CADPS: variants seen among roughly 807,000 people sequenced by gnomAD.
CADPS encodes calcium dependent secretion activator.
Under a neutral mutation model 167.3 loss-of-function variants are expected in CADPS, and 57 were observed. The ratio of observed to expected loss-of-function variants is 0.34; its 90% CI spans 0.28 to 0.42. CADPS has a LOEUF of 0.42. Among genes scored for constraint, CADPS ranks in the 20% least tolerant of loss-of-function variants. The pLI is 1.00. For missense variants in CADPS, 1,414 were observed against 1,738.1 expected, an observed-to-expected ratio of 0.81 and a Z score of 3.32; for synonymous variants, 676 against 635.3, an observed-to-expected ratio of 1.06 and a Z score of -0.96.
chr3:62,866,366 T>G (rs1489894759), intron 1 of CADPS, among the ~76,000 whole-genome samples: 2 of 152,074 alleles, frequency 1.3e-5, no homozygotes, highest in Non-Finnish European at 2.9e-5. Context: ...CTCTAGGAAA[T>G]AAAGCATCAG....
intron 9 of CADPS, among the ~76,000 whole-genome samples, chr3:62,558,786 G>T (rs1276456856): frequency 6.6e-6 from 1 of 152,106 alleles, no homozygotes; most frequent in Non-Finnish European, 1.5e-5. Context: ...CGCCCCACTT[G>T]GGTTTCTTTA....
intron 9 of CADPS, among the ~76,000 whole-genome samples, chr3:62,564,765 C>T (rs13318399): frequency 1.6e-3 from 237 of 151,908 alleles, no homozygotes; most frequent in African/African-American, 5.4e-3. Context: ...TGCCACCATG[C>T]CCAGGTAATT....
At chr3:62,696,120 C>G (rs34003986) in intron 3 of CADPS, among the ~76,000 whole-genome samples, 12,067 of 152,058 alleles carry the variant, frequency 0.079, 631 homozygotes, top group Non-Finnish European at 0.12. Flanking sequence ...ACCTGGGCCA[C>G]TAATTAAGTT....
In CADPS at chr3:62,485,482, C is replaced by A. The variant is rs561068740; in HGVS notation, c.3027-3613G>T. Reference sequence around the variant, plus strand: ...TCCCTCTATTCTTATGTCCTCATAACTTTTCCTTATGTTATTTGTAAATTA... The same window carrying A: ...TCCCTCTATTCTTATGTCCTCATAAATTTTCCTTATGTTATTTGTAAATTA... On this transcript the variant is annotated intron_variant, in intron 21 of 29. Coordinates refer to ENST00000383710, the MANE Select transcript of CADPS (RefSeq NM_003716.4). Among the ~76,000 whole-genome samples, 68 of 152,282 alleles carry A rather than the reference C, an allele frequency of 4.5e-4. 1 individual carries two copies. Among genetic ancestry groups the A allele is most frequent in the African/African-American group, 1.6e-3 (65 of 41,566 alleles).
At chr3:62,505,545 C>A (rs961340355) in intron 17 of CADPS, among the ~76,000 whole-genome samples, 3 of 152,178 alleles carry the variant, frequency 2.0e-5, no homozygotes, top group Admixed American at 6.5e-5. Flanking sequence ...TCCAAGGCAG[C>A]CTTCAGTCCC....
At chr3:62,825,875 G>A (rs933966130) in intron 1 of CADPS, among the ~76,000 whole-genome samples, 1 of 152,138 alleles carries the variant, frequency 6.6e-6, no homozygotes, top group South Asian at 2.1e-4. Context: ...CATTCATTCT[G>A]AGACACGGAA....
intron 6 of CADPS, among the ~76,000 whole-genome samples, chr3:62,594,484 T>C (rs1183503445): frequency 1.3e-5 from 2 of 152,258 alleles, no homozygotes; most frequent in Non-Finnish European, 2.9e-5. Flanking sequence ...TTAATGATTC[T>C]ATAATATTAC....
chr3:62,560,642 G>A (rs2078986482), intron 9 of CADPS, among the ~76,000 whole-genome samples: 1 of 152,170 alleles, frequency 6.6e-6, no homozygotes, highest in Admixed American at 6.5e-5. Flanking sequence ...GGAATCACAG[G>A]ACAGGCCGTT....
At chr3:62,565,578 A>G (rs1404712059) in intron 9 of CADPS, among the ~76,000 whole-genome samples, 1 of 152,088 alleles carries the variant, frequency 6.6e-6, no homozygotes, top group Non-Finnish European at 1.5e-5. Flanking sequence ...ATTTTAAACA[A>G]CACCTAATGC....
chr3:62,770,246 T>A (rs2152534581), intron 1 of CADPS, among the ~76,000 whole-genome samples: 1 of 152,260 alleles, frequency 6.6e-6, no homozygotes, highest in Non-Finnish European at 1.5e-5. Context: ...CCCTGACCAT[T>A]CCATCTACAG....
At chr3:62,687,737 T>G (rs1286249978) in intron 3 of CADPS, among the ~76,000 whole-genome samples, 2 of 80,292 alleles carry the variant, frequency 2.5e-5, no homozygotes, top group Non-Finnish European at 5.3e-5. Context: ...CCTTCGCATT[T>G]TTTTTTTTTT....
At chr3:62,794,195 A>G (rs2093196437) in intron 1 of CADPS, among the ~76,000 whole-genome samples, 1 of 152,180 alleles carries the variant, frequency 6.6e-6, no homozygotes, top group Non-Finnish European at 1.5e-5. Flanking sequence ...TAACCATGAA[A>G]CCTTGGCACA....
chr3:62,668,609 C>T (rs146684424), intron 3 of CADPS, among the ~76,000 whole-genome samples: 1 of 152,172 alleles, frequency 6.6e-6, no homozygotes, highest in South Asian at 2.1e-4. Context: ...TAATGATGCA[C>T]CTTTCCTTTC....
chr3:62,707,683 T>C (rs1269410873), intron 3 of CADPS, among the ~76,000 whole-genome samples: 1 of 152,074 alleles, frequency 6.6e-6, no homozygotes, highest in Non-Finnish European at 1.5e-5. Context: ...TATACCAGAG[T>C]TTAGACTTTA....
chr3:62,456,595 C>G (rs762748514), intron 26 of CADPS, among the ~76,000 whole-genome samples: 24 of 152,040 alleles, frequency 1.6e-4, no homozygotes, highest in Non-Finnish European at 2.6e-4. Context: ...ATAACCCTCT[C>G]ACAATGTGAT....
intron 6 of CADPS, among the ~76,000 whole-genome samples, chr3:62,617,092 A>G (rs1305808374): frequency 6.6e-6 from 1 of 152,192 alleles, no homozygotes; most frequent in Non-Finnish European, 1.5e-5. Context: ...TGCTGCAAAG[A>G]TGTCTAGCTC....
chr3:62,501,074 A>G (rs2065691994), intron 17 of CADPS, among the ~76,000 whole-genome samples: 1 of 152,214 alleles, frequency 6.6e-6, no homozygotes, highest in African/African-American at 2.4e-5. Context: ...TATCTCTGCC[A>G]AACCCAGATG....
intron 5 of CADPS, among the ~76,000 whole-genome samples, chr3:62,646,054 C>T (rs1456820693): frequency 6.6e-6 from 1 of 152,134 alleles, no homozygotes; most frequent in Non-Finnish European, 1.5e-5. Context: ...AAAGACAAGG[C>T]TCACCAATTC....
chr3:62,676,691 C>T (rs992203817), intron 3 of CADPS, among the ~76,000 whole-genome samples: 1 of 152,102 alleles, frequency 6.6e-6, no homozygotes, highest in Non-Finnish European at 1.5e-5. Flanking sequence ...AAACTGTGTA[C>T]TCCTGTGAAT....
Sources: allele counts gnomAD v4.1 joint callset (sites outside exome capture counted in the v4.1 genomes callset), GRCh38; gene constraint gnomAD v4.1.1; transcripts MANE v1.5; gene names NCBI Gene and HGNC (gene_info 2026-07-23, HGNC 2026-07-21).